CADPS: variants seen among roughly 807,000 people sequenced by gnomAD.
CADPS encodes calcium-dependent secretion activator 1.
Under a neutral mutation model 167.3 loss-of-function variants are expected in CADPS, and 57 were observed. The observed-to-expected ratio is 0.34, with a 90% confidence interval of 0.28 to 0.42. CADPS has a LOEUF of 0.42. Ranked by LOEUF, CADPS falls within the 20% of genes least tolerant of loss-of-function variation. The pLI, the probability that CADPS is intolerant of heterozygous loss-of-function variation, is 1.00. For missense variants in CADPS, 1,414 were observed against 1,738.1 expected, an observed-to-expected ratio of 0.81 and a Z score of 3.32; for synonymous variants, 676 against 635.3, an observed-to-expected ratio of 1.06 and a Z score of -0.96.
intron 1 of CADPS, among the ~76,000 whole-genome samples, chr3:62,837,746 TA>T (rs959046331): frequency 2.0e-5 from 3 of 152,204 alleles, no homozygotes; most frequent in African/African-American, 7.2e-5. Context: ...AATACAGATT[TA>T]AATCTCTGTT....
intron 2 of CADPS, among the ~76,000 whole-genome samples, chr3:62,762,934 G>A (rs1476400977): frequency 6.6e-6 from 1 of 152,204 alleles, no homozygotes; most frequent in East Asian, 1.9e-4. Flanking sequence ...ACTGGAGTGT[G>A]AAGTTGTGGC....
chr3:62,654,680 C>T (rs2071084413), intron 4 of CADPS, among the ~76,000 whole-genome samples: 1 of 152,128 alleles, frequency 6.6e-6, no homozygotes, highest in African/African-American at 2.4e-5. Context: ...AAGGTTACAT[C>T]CCAAGAGCCT....
At position 62,438,827 on chromosome 3, in the gene CADPS, T is replaced by C. The variant is rs577203071; in HGVS notation, c.3670-616A>G. The C allele has an allele frequency of 1.3e-5, 2 of 151,886 alleles. No individual in the cohort carries two copies. Among genetic ancestry groups the C allele is most frequent in the Admixed American group, 6.6e-5 (1 of 15,216 alleles). The allele number at this position is 151,886 out of a possible 1,614,324, so 9.4% of individuals were successfully genotyped here. A position where few individuals can be genotyped will look rare whatever the true frequency, so the allele number is the denominator to read the frequency against. The stretch of plus-strand genomic sequence containing the variant: ...TCACTCAGAGGAGACACTAAACCAT[T>C]TGTCTTTGCTTCCAGTGCAGCCTTA... On this transcript the variant is annotated intron_variant, in intron 27 of 29. Transcript: ENST00000383710. The surrounding 1 kb of genome is among the most constrained non-coding windows in gnomAD (Gnocchi z 4.7).
chr3:62,584,177 T>C (rs984926880), intron 8 of CADPS, among the ~76,000 whole-genome samples: 1 of 152,040 alleles, frequency 6.6e-6, no homozygotes, highest in Non-Finnish European at 1.5e-5. Context: ...GCTAATTTTT[T>C]TGTATTTTTA....
At chr3:62,701,659 G>A (rs2081420813) in intron 3 of CADPS, among the ~76,000 whole-genome samples, 1 of 150,992 alleles carries the variant, frequency 6.6e-6, no homozygotes, top group Admixed American at 6.6e-5. Flanking sequence ...AAGATGCCCT[G>A]TTTGCCCTCT....
intron 6 of CADPS, among the ~76,000 whole-genome samples, chr3:62,620,054 A>C (rs2062927890): frequency 6.6e-6 from 1 of 151,896 alleles, no homozygotes; most frequent in Admixed American, 6.6e-5. Context: ...AAGGACATTC[A>C]TTATTTATTG....
rs192612693 is a variant in CADPS, at chr3:62,567,509, T to A, written c.1644+3363A>T. Among the ~76,000 whole-genome samples, 129 of 146,602 alleles carry A rather than the reference T, an allele frequency of 8.8e-4. 3 individuals are homozygous for A. The highest frequency in any genetic ancestry group is 2.8e-3 in the African/African-American group (109 of 39,620). On this transcript the variant is annotated intron_variant, in intron 9 of 29. Coordinates refer to ENST00000383710, the MANE Select transcript of CADPS (RefSeq NM_003716.4). ...CAAGTGATTCCAAGAGAGACTGCTG[T>A]GCCAAGTGCAATGAGAAGCACTGAG...
In CADPS at chr3:62,833,341, G is replaced by A. The variant is rs145673514; in HGVS notation, c.441+41248C>T. Among the ~76,000 whole-genome samples the A allele has an allele frequency of 8.4e-3, 1,283 of 151,846 alleles. 22 individuals carry two copies. Among genetic ancestry groups the A allele is most frequent in the African/African-American group, 0.029 (1,220 of 41,430 alleles). On this transcript the variant is annotated intron_variant, in intron 1 of 29. Coordinates refer to ENST00000383710, the MANE Select transcript of CADPS (RefSeq NM_003716.4). The stretch of plus-strand genomic sequence containing the variant: ...TATTTTTTAAAAAAATTGTAATAGA[G>A]ATGAGGTCTGACTATGTTGCCCAGG...
chr3:62,607,647 G>A (rs553254020), intron 6 of CADPS, among the ~76,000 whole-genome samples: 5 of 152,260 alleles, frequency 3.3e-5, no homozygotes, highest in South Asian at 2.1e-4. Flanking sequence ...GCCCCATCCC[G>A]TGAGACCTCC....
chr3:62,770,903 G>A lies in CADPS; in HGVS notation c.442-4919C>T, dbSNP rs116718023. 1.6e-3 allele frequency among the ~76,000 whole-genome samples: 237 copies of A among 152,222 alleles called. 2 individuals carry two copies. Among genetic ancestry groups the A allele is most frequent in the Non-Finnish European group, 2.1e-3 (143 of 68,020 alleles). ...ATGAGTGTTGCCTGTTTTTGAACTT[G>A]GTGTCAATACGATCATACATGATGA... On this transcript the variant is annotated intron_variant, in intron 1 of 29. Coordinates refer to ENST00000383710, the MANE Select transcript of CADPS (RefSeq NM_003716.4).
intron 8 of CADPS, among the ~76,000 whole-genome samples, chr3:62,577,612 C>A (rs1454835957): frequency 1.3e-5 from 2 of 152,170 alleles, no homozygotes; most frequent in African/African-American, 4.8e-5. Flanking sequence ...ACAACCAACA[C>A]GACTAACAAC....
At chr3:62,712,372 CTTTA>C (rs2083568723) in intron 3 of CADPS, among the ~76,000 whole-genome samples, 2 of 152,152 alleles carry the variant, frequency 1.3e-5, no homozygotes, top group African/African-American at 2.4e-5. Flanking sequence ...TATTGGTAGT[CTTTA>C]TTTTAAATCC....
chr3:62,828,680 A>C (rs946891815), intron 1 of CADPS, among the ~76,000 whole-genome samples: 3 of 152,188 alleles, frequency 2.0e-5, no homozygotes, highest in South Asian at 2.1e-4. Flanking sequence ...TAAAAAAAGC[A>C]TACTTATTTA....
At chr3:62,649,870 G>T (rs1035688929) in intron 5 of CADPS, among the ~76,000 whole-genome samples, 1 of 151,880 alleles carries the variant, frequency 6.6e-6, no homozygotes, top group Non-Finnish European at 1.5e-5. Context: ...TTCACCAGGC[G>T]TATTTTTGAG....
At chr3:62,510,092 C>G (rs960572504) in intron 17 of CADPS, among the ~76,000 whole-genome samples, 1 of 152,060 alleles carries the variant, frequency 6.6e-6, no homozygotes, top group African/African-American at 2.4e-5. Flanking sequence ...CTCTCCCCAC[C>G]TACCCATCAT....
At position 62,874,711 on chromosome 3, in the gene CADPS, G is replaced by A; in HGVS notation, c.319C>T (p.Arg107Trp). The change falls in exon 1 of 30, where the codon CGG becomes TGG. Residue 107 changes from arginine to tryptophan, a missense_variant. Physicochemically the swap from Arg to Trp is moderately radical, Grantham distance 101 (BLOSUM62 -3). Coordinates refer to ENST00000383710, the MANE Select transcript of CADPS (RefSeq NM_003716.4). This position sits in a 1 kb window ranked among gnomAD's most constrained non-coding sequence, Gnocchi z 7.1. The part of the protein sequence containing the change: ...VSEKEKEELE[R>W]LQKEEEERKK... ...CTCTCCTCCTCCTCTTTCTGCAGCC[G>A]CTCCAACTCTTCCTTCTCCTTCTCG... 2 of 1,542,018 alleles carry A rather than the reference G, an allele frequency of 1.3e-6. No individual in the cohort carries two copies. The highest frequency in any genetic ancestry group is 1.8e-6 in the Non-Finnish European group (2 of 1,137,852).
intron 1 of CADPS, among the ~76,000 whole-genome samples, chr3:62,790,060 C>G (rs772970184): frequency 2.6e-5 from 4 of 151,918 alleles, no homozygotes; most frequent in Non-Finnish European, 5.9e-5. Context: ...AAATTTTCAT[C>G]AGAAGGCTTA....
intron 18 of CADPS, among the ~76,000 whole-genome samples, chr3:62,496,076 T>TTC (rs929058461): frequency 7.4e-5 from 9 of 122,158 alleles, no homozygotes; most frequent in African/African-American, 3.1e-4. Context: ...TTCTTTTCTT[T>TTC]TTTTTTTTTT....
chr3:62,545,063 T>C (rs1177171285), intron 11 of CADPS, among the ~76,000 whole-genome samples: 2 of 152,156 alleles, frequency 1.3e-5, no homozygotes, highest in Non-Finnish European at 2.9e-5. Context: ...CCCCTAACTG[T>C]TGAAGACGTT....
Sources: allele counts gnomAD v4.1 joint callset (sites outside exome capture counted in the v4.1 genomes callset), GRCh38; gene constraint gnomAD v4.1.1; non-coding constraint Gnocchi (gnomAD v3.1); transcripts MANE v1.5; gene names NCBI Gene and HGNC (gene_info 2026-07-23, HGNC 2026-07-21).